Variants in PCDHA13 observed in about 807,000 individuals in gnomAD.
PCDHA13 encodes protocadherin alpha 13.
A neutral mutation model predicts 64.8 loss-of-function variants in PCDHA13; 54 were observed. The ratio of observed to expected loss-of-function variants is 0.83; its 90% CI spans 0.67 to 1.04. The LOEUF (loss-of-function observed/expected upper bound fraction) is 1.04. Among genes scored for constraint, PCDHA13 ranks in the 50% least tolerant of loss-of-function variants. The pLI is 0.00. For missense variants in PCDHA13, 1,248 were observed against 1,254.3 expected (o/e 0.99, Z 0.08); for synonymous variants, 587 against 564.4 (o/e 1.04, Z -0.57).
At chr5:140,961,984 C>T (rs1037951528) in intron 1 of PCDHA13, among the ~76,000 whole-genome samples, 69 of 151,884 alleles carry the variant, frequency 4.5e-4, no homozygotes, top group African/African-American at 1.5e-3. Context: ...CCTGGGTTCA[C>T]GCCATTGTCC....
chr5:140,883,853 G>C lies in PCDHA13; in HGVS notation c.1585G>C (p.Glu529Gln). The C allele has an allele frequency of 1.2e-6, 2 of 1,613,002 alleles. No individual in the cohort carries two copies. Among genetic ancestry groups the C allele is most frequent in the Middle Eastern group, 1.9e-4 (1 of 5,392 alleles). The change falls in exon 1 of 4, where the codon GAG becomes CAG. Residue 529 changes from glutamate (E) to glutamine (Q), a missense_variant. By Grantham distance (29) the Glu-to-Gln change is conservative (BLOSUM62 2). Coordinates refer to ENST00000289272, the MANE Select transcript of PCDHA13 (RefSeq NM_018904.3). The part of the protein sequence containing the change: ...ALQPLDHEEL[E>Q]LLQFQVSARD... Reference sequence around the variant, plus strand: ...GCAGCCGTTGGACCACGAGGAGCTGGAGCTGTTGCAGTTCCAGGTGAGCGC... The same window carrying C: ...GCAGCCGTTGGACCACGAGGAGCTGCAGCTGTTGCAGTTCCAGGTGAGCGC...
chr5:140,928,732 A>G, intron 1 of PCDHA13: 1 of 1,614,114 alleles, frequency 6.2e-7, no homozygotes, highest in South Asian at 1.1e-5. Context: ...AATTTCAGCC[A>G]ATATAGGTGA....
intron 3 of PCDHA13, among the ~76,000 whole-genome samples, chr5:140,995,324 G>C (rs1290299693): frequency 1.3e-5 from 2 of 152,190 alleles, no homozygotes; most frequent in Non-Finnish European, 2.9e-5. Context: ...GAACTAACAG[G>C]TGAGTAGTGT....
At chr5:140,968,846 C>T (rs1554231159) in intron 1 of PCDHA13, 1 of 1,614,186 alleles carries the variant, frequency 6.2e-7, no homozygotes. Context: ...CACTCAGAGG[C>T]ATGTTAAGAG....
chr5:140,926,981 C>T (rs1420415867), intron 1 of PCDHA13: 3 of 1,610,216 alleles, frequency 1.9e-6, no homozygotes, highest in Admixed American at 1.7e-5. Context: ...CCGGAGGAGA[C>T]GGAGCGGGGC....
intron 1 of PCDHA13, among the ~76,000 whole-genome samples, chr5:140,907,806 A>G (rs1046843294): frequency 2.6e-5 from 4 of 152,192 alleles, no homozygotes; most frequent in Non-Finnish European, 5.9e-5. Flanking sequence ...AGTGGTGTCC[A>G]CAGAACGAGT....
chr5:140,926,505 TC>T, intron 1 of PCDHA13: 1 of 190,688 alleles, frequency 5.2e-6, no homozygotes. Flanking sequence ...TCGGGGCGTC[TC>T]CCAGGCTCCG....
At chr5:140,899,175 C>G (rs1219166721) in intron 1 of PCDHA13, among the ~76,000 whole-genome samples, 2 of 152,034 alleles carry the variant, frequency 1.3e-5, no homozygotes, top group African/African-American at 4.8e-5. Flanking sequence ...AATTGAATAC[C>G]CTTTATTTCC....
chr5:140,987,453 A>C (rs2097255093), intron 3 of PCDHA13, among the ~76,000 whole-genome samples: 1 of 152,106 alleles, frequency 6.6e-6, no homozygotes, highest in South Asian at 2.1e-4. Context: ...CCGAGAGATA[A>C]TTGTTAAGAG....
intron 1 of PCDHA13, among the ~76,000 whole-genome samples, chr5:140,916,649 G>A (rs1331435832): frequency 6.6e-6 from 1 of 152,166 alleles, no homozygotes; most frequent in Non-Finnish European, 1.5e-5. Flanking sequence ...TGGCTGAGCT[G>A]GTATCCAAGA....
At chr5:140,889,113 G>C (rs1256051132) in intron 1 of PCDHA13, among the ~76,000 whole-genome samples, 1 of 151,370 alleles carries the variant, frequency 6.6e-6, no homozygotes, top group East Asian at 1.9e-4. Context: ...TTTATTCCAG[G>C]TGATACTGAT....
chr5:140,943,632 G>A (rs1351799858), intron 1 of PCDHA13, among the ~76,000 whole-genome samples: 1 of 152,098 alleles, frequency 6.6e-6, no homozygotes, highest in Non-Finnish European at 1.5e-5. Flanking sequence ...AAGGAAGCTG[G>A]ATTATGGATA....
chr5:140,902,622 A>C (rs1328816868), intron 1 of PCDHA13, among the ~76,000 whole-genome samples: 2 of 152,068 alleles, frequency 1.3e-5, no homozygotes, highest in Non-Finnish European at 2.9e-5. Flanking sequence ...TGGGTAAGTT[A>C]TTTAGTGGTG....
chr5:140,925,951 A>G (rs1057448284), intron 1 of PCDHA13, among the ~76,000 whole-genome samples: 2 of 152,102 alleles, frequency 1.3e-5, no homozygotes, highest in Admixed American at 1.3e-4. Flanking sequence ...GAGAAGGAGA[A>G]ACTGCTATCA....
chr5:140,971,165 G>C (rs1390176241), intron 1 of PCDHA13, among the ~76,000 whole-genome samples: 1 of 152,136 alleles, frequency 6.6e-6, no homozygotes, highest in Non-Finnish European at 1.5e-5. Context: ...GCTCAGCTTT[G>C]CCACCAGCTG....
chr5:141,003,520 C>T (rs1171208921), intron 3 of PCDHA13, among the ~76,000 whole-genome samples: 2 of 152,126 alleles, frequency 1.3e-5, no homozygotes, highest in Admixed American at 6.5e-5. Flanking sequence ...ACCATGTTCC[C>T]TAGGCTGGTC....
intron 1 of PCDHA13, chr5:140,928,441 C>A: frequency 4.3e-6 from 7 of 1,614,140 alleles, no homozygotes; most frequent in Non-Finnish European, 5.9e-6. Context: ...TGACTTTGAG[C>A]AGCTCAGGGG....
At position 140,893,180 on chromosome 5, in the gene PCDHA13, C is replaced by T. The variant is rs1388898676; in HGVS notation, c.2394+8518C>T. Among the ~76,000 whole-genome samples, 3 of 152,208 alleles carry T rather than the reference C, an allele frequency of 2.0e-5. No individual in the cohort carries two copies. In the South Asian group the frequency reaches 6.2e-4, roughly 31 times the overall value. On this transcript the variant is annotated intron_variant, in intron 1 of 3. Coordinates refer to ENST00000289272, the MANE Select transcript of PCDHA13 (RefSeq NM_018904.3). ...TATTGAGGTTGATTCCACATAGTAGCTATTGTGAATAGTGCTGCAGTAAGT... is the reference window on the plus strand; with the variant it reads ...TATTGAGGTTGATTCCACATAGTAGTTATTGTGAATAGTGCTGCAGTAAGT...
At position 140,978,930 on chromosome 5, in the gene PCDHA13, T is replaced by C; in HGVS notation, c.2395-19T>C. On this transcript the variant is annotated intron_variant, in intron 1 of 3. Transcript: ENST00000289272. ...TTGTCTTGTCATTTTAACAGAAAAC[T>C]CTCTTTGTGATTTTGCAGCCACGAC... 2 of 1,614,088 alleles carry C rather than the reference T, an allele frequency of 1.2e-6. No individual in the cohort carries two copies. Among genetic ancestry groups the C allele is most frequent in the South Asian group, 1.1e-5 (1 of 91,072 alleles).
Sources: allele counts gnomAD v4.1 joint callset (sites outside exome capture counted in the v4.1 genomes callset), GRCh38; gene constraint gnomAD v4.1.1; transcripts MANE v1.5; gene names NCBI Gene and HGNC (gene_info 2026-07-23, HGNC 2026-07-21).